The following PKHD1 variants were observed in gnomAD, a reference collection of about 807,000 sequenced individuals.
PKHD1 encodes PKHD1 ciliary IPT domain containing fibrocystin/polyductin, also known as fibrocystin.
Under a neutral mutation model 412.0 loss-of-function variants are expected in PKHD1, and 291 were observed. That is an observed-to-expected ratio of 0.71 (90% CI 0.64 to 0.78). The LOEUF is 0.78. Ranked by LOEUF, PKHD1 falls within the 30% of genes least tolerant of loss-of-function variation. The probability of loss-of-function intolerance (pLI) is 0.00; values close to 1 mark genes in which losing one functional copy is unlikely to be tolerated. For missense variants in PKHD1, 4,825 were observed against 4,950.7 expected (o/e 0.97, Z 0.76); for synonymous variants, 1,777 against 1,821.5 (o/e 0.98, Z 0.62).
chr6:51,619,744 A>T (rs1766376498), intron 66 of PKHD1, among the ~76,000 whole-genome samples: 1 of 107,948 alleles, frequency 9.3e-6, no homozygotes, highest in Non-Finnish European at 2.1e-5. Context: ...TAATTGAATG[A>T]GGATTTTTCA....
chr6:51,641,919 T>C (rs551769149), intron 63 of PKHD1, among the ~76,000 whole-genome samples: 2 of 152,040 alleles, frequency 1.3e-5, no homozygotes, highest in African/African-American at 2.4e-5. Flanking sequence ...AGGGGAGGGA[T>C]AGCATTAGGA....
intron 52 of PKHD1, among the ~76,000 whole-genome samples, chr6:51,830,266 G>GA (rs5876239): frequency 0.5 from 75,826 of 151,964 alleles, 20,090 homozygotes; most frequent in Middle Eastern, 0.66. Context: ...TAAATAAGAA[G>GA]ATTTTATAAG....
At chr6:52,003,529 C>G (rs1423918286) in intron 35 of PKHD1, among the ~76,000 whole-genome samples, 1 of 152,120 alleles carries the variant, frequency 6.6e-6, no homozygotes, top group Non-Finnish European at 1.5e-5. Context: ...CTCCTTAACC[C>G]CCCAAAATCT....
rs1163632619 is a variant in PKHD1 at position 51,627,011 on chromosome 6, G to A, written c.11771C>T (p.Thr3924Ile). ...RESQGPKKED[T>I]VVGEDMRMKV... ...TCCAAGCTTACCTTCTCCCACCACA[G>A]TGTCTTCTTTTTTGGGCCCTTGTGA... The change falls in exon 66 of 67, where the codon ACT becomes ATT. Residue 3924 changes from threonine to isoleucine, a missense_variant. By Grantham distance (89) the Thr-to-Ile change is moderately conservative. Transcript: ENST00000371117. The A allele has an allele frequency of 1.9e-6, 3 of 1,613,460 alleles. No individual in the cohort carries two copies. Among genetic ancestry groups the A allele is most frequent in the Non-Finnish European group, 2.5e-6 (3 of 1,179,650 alleles).
chr6:51,711,260 T>C (rs977529132), intron 60 of PKHD1, among the ~76,000 whole-genome samples: 3 of 152,200 alleles, frequency 2.0e-5, no homozygotes, highest in Admixed American at 6.5e-5. Context: ...GTAGGCATCC[T>C]GAGTTGCCTT....
chr6:51,664,852 A>G (rs1773462056), intron 60 of PKHD1, among the ~76,000 whole-genome samples: 1 of 152,114 alleles, frequency 6.6e-6, no homozygotes, highest in African/African-American at 2.4e-5. Flanking sequence ...AAAGGACCAC[A>G]TGGATTTTGA....
At chr6:51,702,500 G>A (rs1043277162) in intron 60 of PKHD1, among the ~76,000 whole-genome samples, 7 of 151,692 alleles carry the variant, frequency 4.6e-5, no homozygotes, top group Admixed American at 4.0e-4. Context: ...CGGGTGATGG[G>A]TGCACCAAAA....
intron 60 of PKHD1, among the ~76,000 whole-genome samples, chr6:51,667,671 G>A (rs1457448907): frequency 6.6e-6 from 1 of 150,664 alleles, no homozygotes; most frequent in Non-Finnish European, 1.5e-5. Flanking sequence ...GGGTTTTTAT[G>A]GTTTTAGGTC....
intron 27 of PKHD1, 92 bp downstream of exon 27, chr6:52,042,767 A>G (rs913100902): frequency 8.9e-7 from 1 of 1,121,772 alleles, no homozygotes; most frequent in African/African-American, 1.5e-5. Context: ...CACAGTGAAT[A>G]TGGAATTCAT....
At chr6:51,664,468 A>G (rs1265884594) in intron 60 of PKHD1, among the ~76,000 whole-genome samples, 1 of 152,226 alleles carries the variant, frequency 6.6e-6, no homozygotes, top group African/African-American at 2.4e-5. Flanking sequence ...GAAACTCAGG[A>G]ATAAGATGAC....
intron 2 of PKHD1, among the ~76,000 whole-genome samples, 197 bp downstream of exon 2, chr6:52,084,685 T>A (rs1048516798): frequency 2.6e-5 from 4 of 152,204 alleles, no homozygotes; most frequent in Non-Finnish European, 5.9e-5. Context: ...TTATTCAACA[T>A]ATAATTTAAA....
chr6:51,800,485 G>A (rs996086914), intron 52 of PKHD1, among the ~76,000 whole-genome samples: 1 of 152,192 alleles, frequency 6.6e-6, no homozygotes, highest in East Asian at 1.9e-4. Context: ...GTCTCTGAAA[G>A]AGGGCTGGGG....
chr6:51,734,369 T>C (rs1445215430), intron 60 of PKHD1, among the ~76,000 whole-genome samples: 1 of 152,206 alleles, frequency 6.6e-6, no homozygotes, highest in Non-Finnish European at 1.5e-5. Context: ...ATTAAATCTA[T>C]AAAATTTACT....
At chr6:52,013,525 T>C (rs1800064749) in intron 34 of PKHD1, among the ~76,000 whole-genome samples, 1 of 152,148 alleles carries the variant, frequency 6.6e-6, no homozygotes, top group South Asian at 2.1e-4. Flanking sequence ...CATGGTTTCT[T>C]CCACAATAAT....
At chr6:52,039,099 G>A (rs1354685411) in intron 27 of PKHD1, among the ~76,000 whole-genome samples, 1 of 152,188 alleles carries the variant, frequency 6.6e-6, no homozygotes, top group African/African-American at 2.4e-5. Context: ...CTACAAAGAT[G>A]TATAAATGGC....
chr6:51,997,826 T>C (rs1797879464), intron 35 of PKHD1, among the ~76,000 whole-genome samples: 1 of 152,184 alleles, frequency 6.6e-6, no homozygotes, highest in Admixed American at 6.5e-5. Context: ...TGATATCAAA[T>C]GTCCAGCCAC....
At chr6:51,975,932 C>T (rs1188118126) in intron 35 of PKHD1, 2 of 132,276 alleles carry the variant, frequency 1.5e-5, no homozygotes, top group Admixed American at 8.2e-5. Context: ...GCACTCCAGC[C>T]GGGATAACAT....
chr6:51,790,697 G>A (rs1793603414), intron 53 of PKHD1, among the ~76,000 whole-genome samples: 1 of 152,132 alleles, frequency 6.6e-6, no homozygotes, highest in Non-Finnish European at 1.5e-5. Flanking sequence ...TGGCTACCTT[G>A]TATTTGCTTT....
At chr6:51,916,761 T>C (rs1243611271) in intron 37 of PKHD1, among the ~76,000 whole-genome samples, 1 of 152,114 alleles carries the variant, frequency 6.6e-6, no homozygotes, top group Non-Finnish European at 1.5e-5. Flanking sequence ...GTACCACAAA[T>C]CAAAAACACA....
Sources: allele counts gnomAD v4.1 joint callset (sites outside exome capture counted in the v4.1 genomes callset), GRCh38; gene constraint gnomAD v4.1.1; transcripts MANE v1.5; gene names NCBI Gene and HGNC (gene_info 2026-07-23, HGNC 2026-07-21).